Variants in SCD5 observed in about 807,000 individuals in gnomAD.
The protein encoded by SCD5 is acyl-CoA-desaturase 4.
SCD5 carries 20 observed loss-of-function variants against 30.4 expected under a neutral mutation model. The ratio of observed to expected loss-of-function variants is 0.66; its 90% CI spans 0.46 to 0.96. SCD5 has a LOEUF of 0.96. SCD5 is among the 40% of genes least tolerant of loss of function. The pLI is 0.00. For missense variants in SCD5, 381 were observed against 443.3 expected (o/e 0.86, Z 1.26); for synonymous variants, 173 against 176.4 (o/e 0.98, Z 0.16).
chr4:82,679,004 C>T (rs1206775315), intron 3 of SCD5, among the ~76,000 whole-genome samples: 1 of 151,660 alleles, frequency 6.6e-6, no homozygotes. Context: ...TCAAGACCAG[C>T]CTGGCCAATA....
At chr4:82,735,135 G>C (rs1017631355) in intron 1 of SCD5, among the ~76,000 whole-genome samples, 4 of 152,146 alleles carry the variant, frequency 2.6e-5, no homozygotes, top group Non-Finnish European at 5.9e-5. Flanking sequence ...TGATCAACAT[G>C]GTTTTGTTAC....
rs529153035 is a variant in SCD5 at position 82,652,515 on chromosome 4, C to T, written c.570-15692G>A. 3.3e-5 allele frequency among the ~76,000 whole-genome samples: 5 copies of T among 152,194 alleles called. No individual in the cohort carries two copies. In the East Asian group the frequency reaches 5.8e-4, roughly 18 times the overall value. Reference sequence around the variant, plus strand: ...AGTTGGGTTCAGATTCCAATTCTACCACTTACAAAATATTACTAAGTCAAC... The same window carrying T: ...AGTTGGGTTCAGATTCCAATTCTACTACTTACAAAATATTACTAAGTCAAC... On this transcript the variant is annotated intron_variant, in intron 3 of 4. Transcript: ENST00000319540.
intron 1 of SCD5, among the ~76,000 whole-genome samples, chr4:82,730,694 T>A (rs1184737373): frequency 6.7e-6 from 1 of 149,902 alleles, no homozygotes; most frequent in East Asian, 2.0e-4. Flanking sequence ...CACACCATTC[T>A]CCTGCCTCAG....
intron 2 of SCD5, among the ~76,000 whole-genome samples, chr4:82,690,779 C>T (rs529927020): frequency 2.6e-5 from 4 of 152,212 alleles, no homozygotes; most frequent in African/African-American, 9.6e-5. Flanking sequence ...CATATTTTAT[C>T]CTTTAATTTG....
chr4:82,761,980 C>A (rs1560556325), intron 1 of SCD5, among the ~76,000 whole-genome samples: 1 of 151,870 alleles, frequency 6.6e-6, no homozygotes, highest in Non-Finnish European at 1.5e-5. Flanking sequence ...TGAGACTAGC[C>A]TGGGCAACAT....
At chr4:82,682,204 G>T (rs1390310384) in intron 2 of SCD5, among the ~76,000 whole-genome samples, 1 of 152,172 alleles carries the variant, frequency 6.6e-6, no homozygotes. Context: ...AGTCTGCCCA[G>T]CCCACAGAGC....
At chr4:82,689,020 G>A (rs1728773078) in intron 2 of SCD5, among the ~76,000 whole-genome samples, 1 of 152,066 alleles carries the variant, frequency 6.6e-6, no homozygotes, top group African/African-American at 2.4e-5. Flanking sequence ...TCCTGAACTA[G>A]ATCTCCTTTA....
intron 3 of SCD5, 125 bp from the exon 4 acceptor site, chr4:82,636,948 G>A (rs374759094): frequency 2.7e-5 from 20 of 742,754 alleles, no homozygotes; most frequent in South Asian, 3.8e-5. Context: ...CTCCTTCAAC[G>A]CTTTCTATAT....
At chr4:82,786,025 T>C (rs190501009) in intron 1 of SCD5, among the ~76,000 whole-genome samples, 2 of 152,344 alleles carry the variant, frequency 1.3e-5, no homozygotes, top group Non-Finnish European at 2.9e-5. Flanking sequence ...AAATTCATTT[T>C]TTTAAGAAAG....
At chr4:82,741,897 G>C (rs1223870885) in intron 1 of SCD5, among the ~76,000 whole-genome samples, 2 of 151,746 alleles carry the variant, frequency 1.3e-5, no homozygotes, top group African/African-American at 4.8e-5. Context: ...TTTGTTGGGG[G>C]AGCTGTTAAT....
rs759239846 is a variant in SCD5, at chr4:82,660,833, C to G, written c.569+19874G>C. ...TGGAGTCCCCGTCTGTTATTCTATA[C>G]GTTATCACCAAGCCTCGCTGTTGTA... On this transcript the variant is annotated intron_variant, in intron 3 of 4. Coordinates refer to ENST00000319540, the MANE Select transcript of SCD5 (RefSeq NM_001037582.3). The G allele has an allele frequency of 3.1e-6, 5 of 1,613,136 alleles. No homozygotes were observed. In the Admixed American group the frequency reaches 8.3e-5, roughly 27 times the overall value.
In SCD5 at chr4:82,765,631, T is replaced by G. The variant is rs543981569; in HGVS notation, c.232+32675A>C. On this transcript the variant is annotated intron_variant, in intron 1 of 4. Coordinates refer to ENST00000319540, the MANE Select transcript of SCD5 (RefSeq NM_001037582.3). ...TTCATTGTTATTTTTCCTTTTTTTTTTTTGAGACAGAGTCTTGCTCTGTCA... is the reference window on the plus strand; with the variant it reads ...TTCATTGTTATTTTTCCTTTTTTTTGTTTGAGACAGAGTCTTGCTCTGTCA... 7.2e-5 allele frequency among the ~76,000 whole-genome samples: 11 copies of G among 152,204 alleles called. No homozygotes were observed. In the East Asian group the frequency reaches 2.1e-3, roughly 29 times the overall value.
chr4:82,797,271 A>G (rs1722245528), intron 1 of SCD5, among the ~76,000 whole-genome samples: 2 of 152,208 alleles, frequency 1.3e-5, no homozygotes, highest in South Asian at 4.1e-4. Flanking sequence ...GAGATCAGGG[A>G]AACGGGAGCT....
chr4:82,750,033 G>C (rs1721068024), intron 1 of SCD5, among the ~76,000 whole-genome samples: 1 of 152,160 alleles, frequency 6.6e-6, no homozygotes, highest in African/African-American at 2.4e-5. Flanking sequence ...CCTGTGCCTT[G>C]ATTTCCTTAT....
In SCD5 at chr4:82,798,231, C is replaced by A. The variant is rs964361397; in HGVS notation, c.232+75G>T. 1.7e-5 allele frequency: 21 copies of A among 1,243,174 alleles called. No homozygotes were observed. In the African/African-American group the frequency reaches 3.0e-4, roughly 18 times the overall value. The allele number at this position is 1,243,174 out of a possible 1,614,324, so 77.0% of individuals were successfully genotyped here. On this transcript the variant is annotated intron_variant, in intron 1 of 4. Transcript: ENST00000319540. ...CTGCGCACCGCCCGCAGCCGAGGGG[C>A]GAGCGGCGACCTCGCGCGCCCCAGC...
intron 2 of SCD5, among the ~76,000 whole-genome samples, chr4:82,701,663 C>T (rs1719844668): frequency 1.3e-5 from 2 of 152,222 alleles, no homozygotes; most frequent in South Asian, 2.1e-4. Context: ...CTGGTATTCT[C>T]TGTTTACTCC....
At chr4:82,763,058 C>A (rs538983678) in intron 1 of SCD5, among the ~76,000 whole-genome samples, 5 of 152,166 alleles carry the variant, frequency 3.3e-5, no homozygotes, top group Admixed American at 6.5e-5. Context: ...CAGCACACCA[C>A]GGGAGCCCCA....
At chr4:82,663,124 A>G (rs1195939575) in intron 3 of SCD5, among the ~76,000 whole-genome samples, 1 of 152,176 alleles carries the variant, frequency 6.6e-6, no homozygotes, top group East Asian at 1.9e-4. Context: ...TCTTTAACTC[A>G]TCAAGAGTTA....
chr4:82,780,423 T>C (rs1202760902), intron 1 of SCD5, among the ~76,000 whole-genome samples: 1 of 152,210 alleles, frequency 6.6e-6, no homozygotes, highest in Non-Finnish European at 1.5e-5. Context: ...TGTGTATTCT[T>C]AGCACTTAGC....
Sources: gnomAD v4.1 joint callset for allele counts (sites outside exome capture counted in the v4.1 genomes callset) on GRCh38, gnomAD v4.1.1 for gene constraint, MANE v1.5 for transcripts, NCBI Gene and HGNC (gene_info 2026-07-23, HGNC 2026-07-21) for gene names.